The following GRIN2A variants were observed in gnomAD, a reference collection of about 807,000 sequenced individuals.
GRIN2A encodes glutamate ionotropic receptor NMDA type subunit 2A.
GRIN2A carries 22 observed loss-of-function variants against 113.4 expected under a neutral mutation model. That is an observed-to-expected ratio of 0.19 (90% CI 0.14 to 0.28). The LOEUF is 0.28. Among genes scored for constraint, GRIN2A ranks in the 10% least tolerant of loss-of-function variants. The probability of loss-of-function intolerance (pLI) is 1.00; values close to 1 mark genes in which losing one functional copy is unlikely to be tolerated. For synonymous variants in GRIN2A, 827 were observed against 738.4 expected, an observed-to-expected ratio of 1.12 and a Z score of -1.94; for missense variants, 1,502 against 1,887.0, an observed-to-expected ratio of 0.80 and a Z score of 3.78.
intron 2 of GRIN2A, among the ~76,000 whole-genome samples, chr16:10,086,460 A>G (rs553131603): frequency 1.3e-5 from 2 of 152,130 alleles, no homozygotes; most frequent in Admixed American, 1.3e-4. Flanking sequence ...AACACATAAG[A>G]TGTTTGTGGC....
chr16:9,786,303 C>A (rs1435001272), intron 11 of GRIN2A, among the ~76,000 whole-genome samples: 1 of 152,134 alleles, frequency 6.6e-6, no homozygotes, highest in African/African-American at 2.4e-5. Context: ...TTGTTTCATT[C>A]CTTCTCATCT....
At chr16:10,125,560 A>G (rs4782271) in intron 2 of GRIN2A, among the ~76,000 whole-genome samples, 2 of 151,106 alleles carry the variant, frequency 1.3e-5, no homozygotes, top group Non-Finnish European at 1.5e-5. Flanking sequence ...AGATTCTCCT[A>G]CAGCAAGTCT....
intron 2 of GRIN2A, among the ~76,000 whole-genome samples, chr16:10,094,329 G>C (rs1279224356): frequency 6.6e-6 from 1 of 152,178 alleles, no homozygotes; most frequent in Non-Finnish European, 1.5e-5. Context: ...GTGTGACTTT[G>C]AGCTGGTCAT....
At chr16:9,908,035 G>T (rs1174415814) in intron 3 of GRIN2A, among the ~76,000 whole-genome samples, 1 of 152,208 alleles carries the variant, frequency 6.6e-6, no homozygotes, top group East Asian at 1.9e-4. Context: ...GCAGCGTTGA[G>T]AATGTCCCGG....
intron 4 of GRIN2A, among the ~76,000 whole-genome samples, chr16:9,867,771 C>T (rs1056363420): frequency 2.6e-5 from 4 of 152,164 alleles, no homozygotes; most frequent in African/African-American, 9.7e-5. Flanking sequence ...TTCTCCTTCT[C>T]TGAACACATC....
intron 10 of GRIN2A, among the ~76,000 whole-genome samples, chr16:9,807,385 GGA>G (rs1171109967): frequency 2.9e-4 from 24 of 81,780 alleles, no homozygotes; most frequent in Non-Finnish European, 5.7e-4. Flanking sequence ...AGAGGGGGAG[GGA>G]GAGAGGGAGG....
rs1018152206 is a variant in GRIN2A, at chr16:9,799,964, A to ATATTATTGTTATTATTATTAT, written c.2169-1501_2169-1500insATAATAATAATAACAATAATA. On this transcript the variant is annotated intron_variant, in intron 10 of 12. Transcript: ENST00000330684. ...TCTCCAAGGGCACAACTGTGCCTAAATATTATTATTATTATTATTATTATT... is the reference window on the plus strand; with the variant it reads ...TCTCCAAGGGCACAACTGTGCCTAAATATTATTGTTATTATTATTATTATTATTATTATTATTATTATTATT... Among the ~76,000 whole-genome samples, 1,402 of 149,694 alleles carry ATATTATTGTTATTATTATTAT rather than the reference A, an allele frequency of 9.4e-3. 29 individuals carry two copies. The highest frequency in any genetic ancestry group is 0.033 in the African/African-American group (1,344 of 40,636).
intron 12 of GRIN2A, among the ~76,000 whole-genome samples, 186 bp from the exon 13 acceptor site, chr16:9,765,134 G>C (rs1351340091): frequency 6.6e-6 from 1 of 152,172 alleles, no homozygotes; most frequent in African/African-American, 2.4e-5. Context: ...AAAGCATAGG[G>C]TTTATCTTAT....
chr16:10,013,106 G>A (rs1820986665), intron 2 of GRIN2A, among the ~76,000 whole-genome samples: 2 of 152,068 alleles, frequency 1.3e-5, no homozygotes, highest in Non-Finnish European at 2.9e-5. Flanking sequence ...AGTGACACGT[G>A]TTTACCTATG....
chr16:10,094,268 T>C lies in GRIN2A; in HGVS notation c.414+85730A>G, dbSNP rs192287309. Among the ~76,000 whole-genome samples the C allele has an allele frequency of 2.3e-4, 35 of 152,312 alleles. 1 individual carries two copies. The East Asian group carries it at 6.2e-3, about 27-fold the overall frequency. On this transcript the variant is annotated intron_variant, in intron 2 of 12. Transcript: ENST00000330684. ...GGAGGCTGTAATTTTTAAAAAGTGC[T>C]GGACTGAGGAAAGGTGAGAGTTACA...
chr16:10,029,786 C>A (rs1209565638), intron 2 of GRIN2A, among the ~76,000 whole-genome samples: 1 of 139,710 alleles, frequency 7.2e-6, no homozygotes, highest in African/African-American at 2.7e-5. Context: ...CACCTGAGGT[C>A]TGGAGTTCGA....
intron 4 of GRIN2A, among the ~76,000 whole-genome samples, chr16:9,856,411 G>A (rs892571086): frequency 6.6e-6 from 1 of 151,914 alleles, no homozygotes; most frequent in Non-Finnish European, 1.5e-5. Flanking sequence ...ACGAGGTCAG[G>A]AGATCGAGAC....
intron 5 of GRIN2A, among the ~76,000 whole-genome samples, chr16:9,847,044 C>T (rs1297326348): frequency 1.3e-5 from 2 of 152,172 alleles, no homozygotes; most frequent in African/African-American, 4.8e-5. Flanking sequence ...GCAGTGCCTG[C>T]TGGCTGTTGC....
rs201984371 is a variant in GRIN2A, at chr16:9,887,753, C to CA, written c.1122+3232dup. ...ATGTGTACGTTTATTAAAAAACAAA[C>CA]AAAAAAAACACACACACAGTTTTTG... On this transcript the variant is annotated intron_variant, in intron 4 of 12. Coordinates refer to ENST00000330684, the MANE Select transcript of GRIN2A (RefSeq NM_001134407.3). 2.4e-3 allele frequency among the ~76,000 whole-genome samples: 372 copies of CA among 151,906 alleles called. 1 individual carries two copies. The highest frequency in any genetic ancestry group is 7.5e-3 in the African/African-American group (312 of 41,454).
chr16:10,082,569 G>A (rs2048005587), intron 2 of GRIN2A, among the ~76,000 whole-genome samples: 3 of 152,200 alleles, frequency 2.0e-5, no homozygotes, highest in African/African-American at 7.2e-5. Flanking sequence ...TACCCAAGGT[G>A]GGCCTGGCCT....
At chr16:9,788,450 G>T (rs1488607689) in intron 11 of GRIN2A, among the ~76,000 whole-genome samples, 1 of 151,828 alleles carries the variant, frequency 6.6e-6, no homozygotes, top group South Asian at 2.1e-4. Flanking sequence ...TAGAAATGGG[G>T]TTTTGCCATG....
chr16:10,082,805 T>G (rs986251061), intron 2 of GRIN2A, among the ~76,000 whole-genome samples: 10 of 152,188 alleles, frequency 6.6e-5, no homozygotes, highest in Admixed American at 5.9e-4. Flanking sequence ...AAATAATACC[T>G]ACAGCAGTCA....
intron 11 of GRIN2A, among the ~76,000 whole-genome samples, chr16:9,775,146 G>A (rs1381583945): frequency 6.6e-6 from 1 of 152,046 alleles, no homozygotes; most frequent in Non-Finnish European, 1.5e-5. Flanking sequence ...TTTAGGCTTT[G>A]TCCAAAATTT....
At chr16:10,001,949 T>G (rs1389204715) in intron 2 of GRIN2A, among the ~76,000 whole-genome samples, 1 of 152,226 alleles carries the variant, frequency 6.6e-6, no homozygotes, top group Non-Finnish European at 1.5e-5. Context: ...TAGGATTAGA[T>G]GCAGGGATAT....
Sources: allele counts gnomAD v4.1 joint callset (sites outside exome capture counted in the v4.1 genomes callset), GRCh38; gene constraint gnomAD v4.1.1; transcripts MANE v1.5; gene names NCBI Gene and HGNC (gene_info 2026-07-23, HGNC 2026-07-21).